Variants in XPR1 observed in about 807,000 individuals in gnomAD.
The protein encoded by XPR1 is xenotropic and polytropic retrovirus receptor 1.
Under a neutral mutation model 87.5 loss-of-function variants are expected in XPR1, and 28 were observed. The observed-to-expected ratio is 0.32, with a 90% CI of 0.24 to 0.44. The LOEUF (loss-of-function observed/expected upper bound fraction) is 0.44, where lower values mean the gene tolerates loss of function less well. XPR1 is among the 20% of genes least tolerant of loss of function. XPR1 has a pLI of 1.00. For missense variants in XPR1, 559 were observed against 862.3 expected (o/e 0.65, Z 4.41); for synonymous variants, 300 against 306.1 (o/e 0.98, Z 0.21).
At chr1:180,829,892 T>G (rs1650995438) in intron 9 of XPR1, among the ~76,000 whole-genome samples, 1 of 152,130 alleles carries the variant, frequency 6.6e-6, no homozygotes, top group East Asian at 1.9e-4. Context: ...TTTTTCCTTA[T>G]TTAATGCATT....
chr1:180,742,892 A>G (rs1467061690), intron 2 of XPR1, among the ~76,000 whole-genome samples: 2 of 152,026 alleles, frequency 1.3e-5, no homozygotes, highest in East Asian at 3.8e-4. Flanking sequence ...TGATATCTCT[A>G]TCCTTGGTAA....
chr1:180,689,302 T>C (rs1288428798), intron 2 of XPR1, among the ~76,000 whole-genome samples: 1 of 152,166 alleles, frequency 6.6e-6, no homozygotes, highest in African/African-American at 2.4e-5. Context: ...AAAAATGACT[T>C]TGCATTTTTC....
intron 3 of XPR1, among the ~76,000 whole-genome samples, chr1:180,793,060 G>A (rs1237483315): frequency 1.3e-5 from 2 of 151,752 alleles, no homozygotes; most frequent in Non-Finnish European, 2.9e-5. Context: ...CGGTTACATT[G>A]GGAAGTCATA....
At chr1:180,759,481 A>G (rs1459946546) in intron 2 of XPR1, among the ~76,000 whole-genome samples, 2 of 152,218 alleles carry the variant, frequency 1.3e-5, no homozygotes, top group Non-Finnish European at 2.9e-5. Context: ...AGAATACTAC[A>G]AACACCTCTA....
intron 6 of XPR1, among the ~76,000 whole-genome samples, chr1:180,809,777 C>G (rs1172729957): frequency 6.6e-6 from 1 of 152,058 alleles, no homozygotes; most frequent in Non-Finnish European, 1.5e-5. Flanking sequence ...CTTTATTATT[C>G]ATTTCTAACA....
chr1:180,855,205 GA>G (rs990313888), intron 11 of XPR1, among the ~76,000 whole-genome samples: 8 of 151,952 alleles, frequency 5.3e-5, no homozygotes, highest in Non-Finnish European at 7.4e-5. Context: ...TTACAGGAAA[GA>G]AAAAAATTGT....
At chr1:180,861,671 G>A (rs886508241) in intron 11 of XPR1, among the ~76,000 whole-genome samples, 10 of 152,134 alleles carry the variant, frequency 6.6e-5, no homozygotes, top group East Asian at 3.9e-4. Flanking sequence ...AGAATCACAT[G>A]TGGACCATTT....
At chr1:180,657,999 T>A (rs941289597) in intron 1 of XPR1, among the ~76,000 whole-genome samples, 5 of 152,162 alleles carry the variant, frequency 3.3e-5, no homozygotes, top group Admixed American at 6.5e-5. Flanking sequence ...ATTGTAGAGA[T>A]CTATCACTTC....
At chr1:180,735,611 CTATTA>C (rs1300295634) in intron 2 of XPR1, among the ~76,000 whole-genome samples, 4 of 152,130 alleles carry the variant, frequency 2.6e-5, no homozygotes, top group African/African-American at 7.2e-5. Flanking sequence ...CTCTTGAACT[CTATTA>C]ACTATTCCCT....
chr1:180,763,458 G>A (rs73036523), intron 2 of XPR1, among the ~76,000 whole-genome samples: 6,537 of 152,186 alleles, frequency 0.043, 500 homozygotes, highest in African/African-American at 0.15. Context: ...GTATACCCTC[G>A]GAGTCTGTGG....
intron 1 of XPR1, among the ~76,000 whole-genome samples, chr1:180,669,787 G>T (rs1358005054): frequency 2.6e-5 from 4 of 152,128 alleles, no homozygotes; most frequent in African/African-American, 9.7e-5. Flanking sequence ...TATGTATGAT[G>T]AAGTTTAATT....
rs144741621 is a variant in XPR1 at position 180,841,506 on chromosome 1, C to T, written c.1501+4790C>T. On this transcript the variant is annotated intron_variant, in intron 11 of 14. Coordinates refer to ENST00000367590, the MANE Select transcript of XPR1 (RefSeq NM_004736.4). ...ATCCCCTTAGACTCTTAACATGCTACGTAAAGGGAATTTATGATAAAATGA... is the reference window on the plus strand; with the variant it reads ...ATCCCCTTAGACTCTTAACATGCTATGTAAAGGGAATTTATGATAAAATGA... Among the ~76,000 whole-genome samples the T allele has an allele frequency of 1.4e-3, 209 of 152,130 alleles. 1 individual carries two copies. Among genetic ancestry groups the T allele is most frequent in the African/African-American group, 4.6e-3 (189 of 41,504 alleles).
intron 2 of XPR1, among the ~76,000 whole-genome samples, chr1:180,711,631 GTTCTT>G (rs1303514995): frequency 6.6e-6 from 1 of 151,964 alleles, no homozygotes; most frequent in Non-Finnish European, 1.5e-5. Context: ...AGGGGGGAGA[GTTCTT>G]TTTATATTTT....
intron 2 of XPR1, among the ~76,000 whole-genome samples, chr1:180,710,788 G>C (rs994142274): frequency 6.9e-6 from 1 of 145,658 alleles, no homozygotes; most frequent in South Asian, 2.3e-4. Context: ...GGGCAGAGGC[G>C]CCCCCCCACC....
At chr1:180,882,397 A>G (rs1297413537) in intron 14 of XPR1, among the ~76,000 whole-genome samples, 2 of 152,108 alleles carry the variant, frequency 1.3e-5, no homozygotes, top group African/African-American at 4.8e-5. Context: ...TCCGTTGCCC[A>G]GGTTGGCTCA....
intron 3 of XPR1, 47 bp from the exon 4 acceptor site, chr1:180,803,340 GA>G: frequency 6.5e-7 from 1 of 1,548,554 alleles, no homozygotes; most frequent in Non-Finnish European, 8.7e-7. Context: ...AAGTCAGTAG[GA>G]ACTTTTTTAT....
Position 180,787,777 on chromosome 1 carries a change from G to A in XPR1, c.146G>A (p.Arg49Lys). The A allele has an allele frequency of 6.2e-7, 1 of 1,612,886 alleles. No individual in the cohort carries two copies. Among genetic ancestry groups the A allele is most frequent in the Non-Finnish European group, 8.5e-7 (1 of 1,179,582 alleles). Residue 49 changes from arginine to lysine, a missense_variant, in exon 3 of 15, where the codon AGG (arginine) becomes AAG (lysine). By Grantham distance (26) the Arg-to-Lys change is conservative (BLOSUM62 2). Around this residue, in one of 7 missense-constraint regions of XPR1, gnomAD observed 159 missense variants for 263.3 expected, o/e 0.60. Transcript: ENST00000367590. Reference protein sequence around the residue: ...VEVTDEDTVKRYFAKFEEKFF... With the variant: ...VEVTDEDTVKKYFAKFEEKFF... ...GTTACAGATGAGGACACAGTAAAGA[G>A]GTATTTTGCCAAGTTTGAAGAGAAG... is the stretch of plus-strand genomic sequence containing the variant.
intron 1 of XPR1, among the ~76,000 whole-genome samples, chr1:180,644,225 AAGAG>A (rs1655041132): frequency 6.6e-6 from 1 of 152,180 alleles, no homozygotes; most frequent in Non-Finnish European, 1.5e-5. Flanking sequence ...TATAATTAGA[AAGAG>A]AGAGTTAATG....
At chr1:180,874,007 A>G in intron 13 of XPR1, 65 bp downstream of exon 13, 1 of 1,465,700 alleles carries the variant, frequency 6.8e-7, no homozygotes, top group South Asian at 1.3e-5. Flanking sequence ...CAATACTTAC[A>G]AATTAGAATT....
Sources: allele counts gnomAD v4.1 joint callset (sites outside exome capture counted in the v4.1 genomes callset), GRCh38; gene constraint gnomAD v4.1.1; regional missense constraint gnomAD v4.1.1; transcripts MANE v1.5; gene names NCBI Gene and HGNC (gene_info 2026-07-23, HGNC 2026-07-21).